Variants in CHRM5 observed in about 807,000 individuals in gnomAD.
CHRM5 encodes cholinergic receptor muscarinic 5, also known as muscarinic acetylcholine receptor M5.
CHRM5 carries 18 observed loss-of-function variants against 39.0 expected under a neutral mutation model. That is an observed-to-expected ratio of 0.46 (90% CI 0.32 to 0.68). CHRM5 has a LOEUF of 0.68. Ranked by LOEUF, CHRM5 falls within the 30% of genes least tolerant of loss-of-function variation. The pLI, the probability that CHRM5 is intolerant of heterozygous loss-of-function variation, is 0.04. For missense variants in CHRM5, 515 were observed against 651.1 expected, an observed-to-expected ratio of 0.79 and a Z score of 2.28; for synonymous variants, 241 against 246.3, an observed-to-expected ratio of 0.98 and a Z score of 0.20.
chr15:34,001,856 A>G (rs4633681), intron 1 of CHRM5, among the ~76,000 whole-genome samples: 2,310 of 152,308 alleles, frequency 0.015, 68 homozygotes, highest in African/African-American at 0.049. Flanking sequence ...GCAGATAAAG[A>G]AGAAAGGTAG....
intron 1 of CHRM5, among the ~76,000 whole-genome samples, chr15:33,997,339 T>G (rs1896976750): frequency 6.6e-6 from 1 of 151,872 alleles, no homozygotes; most frequent in Admixed American, 6.6e-5. Flanking sequence ...AGAAACAAAA[T>G]AGCCAAATGG....
chr15:34,062,491 C>T (rs1427340000), intron 2 of CHRM5, among the ~76,000 whole-genome samples, 152 bp from the exon 3 acceptor site: 21 of 138,216 alleles, frequency 1.5e-4, no homozygotes, highest in African/African-American at 5.6e-4. Context: ...GGAGGCGGAG[C>T]TTGTAGAGAG....
Position 34,022,172 on chromosome 15 carries a change from C to T in CHRM5, c.-407-24368C>T, listed in dbSNP as rs117449754. Among the ~76,000 whole-genome samples the T allele has an allele frequency of 4.4e-3, 663 of 152,280 alleles. 2 individuals carry two copies. Among genetic ancestry groups the T allele is most frequent in the Non-Finnish European group, 6.3e-3 (431 of 68,014 alleles). On this transcript the variant is annotated intron_variant, in intron 1 of 2. Coordinates refer to ENST00000383263, the MANE Select transcript of CHRM5 (RefSeq NM_012125.4). ...TCTAGCTGAACTGCTTTCTATTGCT[C>T]CTCAGACATCAAATGAATGGCATCA...
intron 1 of CHRM5, among the ~76,000 whole-genome samples, chr15:33,993,868 A>G (rs1896828286): frequency 6.6e-6 from 1 of 152,158 alleles, no homozygotes; most frequent in African/African-American, 2.4e-5. Flanking sequence ...TGAACTTTAT[A>G]TAATAGAATC....
At chr15:34,002,900 C>G (rs1008684050) in intron 1 of CHRM5, 1 of 874,496 alleles carries the variant, frequency 1.1e-6, no homozygotes, top group African/African-American at 1.7e-5. Flanking sequence ...AAACACTGTC[C>G]TTTACTTGAA....
chr15:34,034,546 A>G (rs1209919858), intron 1 of CHRM5, among the ~76,000 whole-genome samples: 1 of 152,188 alleles, frequency 6.6e-6, no homozygotes, highest in Non-Finnish European at 1.5e-5. Flanking sequence ...TATATTTTGA[A>G]ATTCTCTGAT....
chr15:34,061,046 T>C (rs1459936638), intron 2 of CHRM5, among the ~76,000 whole-genome samples: 2 of 151,946 alleles, frequency 1.3e-5, no homozygotes, highest in Non-Finnish European at 2.9e-5. Context: ...TTTTTTTCCC[T>C]TTACCGCCCA....
At chr15:34,039,963 T>C (rs1899396507) in intron 1 of CHRM5, among the ~76,000 whole-genome samples, 1 of 152,214 alleles carries the variant, frequency 6.6e-6, no homozygotes, top group African/African-American at 2.4e-5. Context: ...CACAGATGCA[T>C]GAAAGCAGTT....
intron 1 of CHRM5, chr15:34,018,254 C>T (rs1396009657): frequency 6.6e-6 from 1 of 152,196 alleles, no homozygotes; most frequent in African/African-American, 2.4e-5. Context: ...AGGTGGAAGA[C>T]AGTGATATTG....
chr15:34,023,161 C>G (rs1597363046), intron 1 of CHRM5, among the ~76,000 whole-genome samples: 1 of 151,854 alleles, frequency 6.6e-6, no homozygotes, highest in Non-Finnish European at 1.5e-5. Flanking sequence ...AGCCTGGCAA[C>G]AGAGCGAGAC....
chr15:33,991,427 T>C (rs907908767), intron 1 of CHRM5: 3 of 152,098 alleles, frequency 2.0e-5, no homozygotes, highest in African/African-American at 7.2e-5. Flanking sequence ...GTGATTATTA[T>C]GCATGGCATA....
chr15:33,978,224 G>A (rs1895972890), intron 1 of CHRM5, among the ~76,000 whole-genome samples: 3 of 152,158 alleles, frequency 2.0e-5, no homozygotes, highest in Admixed American at 6.6e-5. Context: ...AAAGTGACAC[G>A]TATTACTAAT....
At chr15:34,043,014 G>A (rs1167397150) in intron 1 of CHRM5, among the ~76,000 whole-genome samples, 2 of 152,044 alleles carry the variant, frequency 1.3e-5, no homozygotes, top group Admixed American at 6.5e-5. Flanking sequence ...TTGGGAGGCC[G>A]AGGTGGGTGG....
At chr15:33,980,822 G>A (rs936023253) in intron 1 of CHRM5, among the ~76,000 whole-genome samples, 4 of 152,228 alleles carry the variant, frequency 2.6e-5, no homozygotes, top group Admixed American at 2.0e-4. Context: ...ATCAACAAGA[G>A]TATGAAAATT....
intron 1 of CHRM5, among the ~76,000 whole-genome samples, chr15:34,008,954 GCACACACA>G (rs57211791): frequency 0.011 from 1,089 of 103,200 alleles, 15 homozygotes; most frequent in African/African-American, 0.027. Context: ...GTGCGCGCGC[GCACACACA>G]CACACACACA....
chr15:34,003,781 T>A (rs1360460040), intron 1 of CHRM5, among the ~76,000 whole-genome samples: 2 of 152,228 alleles, frequency 1.3e-5, no homozygotes, highest in Non-Finnish European at 2.9e-5. Context: ...TAAGATTCCA[T>A]ACTCTAGAAT....
At chr15:33,970,894 A>G (rs1331475710) in intron 1 of CHRM5, among the ~76,000 whole-genome samples, 1 of 151,868 alleles carries the variant, frequency 6.6e-6, no homozygotes, top group Non-Finnish European at 1.5e-5. Context: ...ACCTTGCTCC[A>G]CCCCAATTTG....
intron 1 of CHRM5, among the ~76,000 whole-genome samples, chr15:34,013,416 G>A (rs1346006430): frequency 6.6e-6 from 1 of 152,118 alleles, no homozygotes; most frequent in African/African-American, 2.4e-5. Context: ...TTCCTTCCCA[G>A]GATAAACTTA....
chr15:34,037,107 C>G (rs1899168075), intron 1 of CHRM5, among the ~76,000 whole-genome samples: 1 of 121,380 alleles, frequency 8.2e-6, no homozygotes, highest in Non-Finnish European at 1.5e-5. Flanking sequence ...AAAACTCCGT[C>G]TCAAAAAAAA....
Sources: allele counts gnomAD v4.1 joint callset (sites outside exome capture counted in the v4.1 genomes callset), GRCh38; gene constraint gnomAD v4.1.1; transcripts MANE v1.5; gene names NCBI Gene and HGNC (gene_info 2026-07-23, HGNC 2026-07-21).